The following ADGRB1 variants were observed in gnomAD, a reference collection of about 807,000 sequenced individuals.
ADGRB1 encodes adhesion G protein-coupled receptor B1.
In ADGRB1, 36 loss-of-function variants were observed where a neutral mutation model predicts 175.7. That is an observed-to-expected ratio of 0.20 (90% confidence interval 0.16 to 0.27). The LOEUF (loss-of-function observed/expected upper bound fraction) is 0.27. Ranked by LOEUF, ADGRB1 falls within the 10% of genes least tolerant of loss-of-function variation. The probability of loss-of-function intolerance (pLI) is 1.00; values close to 1 mark genes in which losing one functional copy is unlikely to be tolerated. For synonymous variants in ADGRB1, 1,054 were observed against 979.4 expected, an observed-to-expected ratio of 1.08 and a Z score of -1.42; for missense variants, 1,731 against 2,255.3, an observed-to-expected ratio of 0.77 and a Z score of 4.71.
intron 1 of ADGRB1, among the ~76,000 whole-genome samples, chr8:142,457,729 C>T (rs565026481): frequency 6.6e-5 from 10 of 152,230 alleles, no homozygotes; most frequent in South Asian, 6.2e-4. Context: ...GTCACCCTGT[C>T]GGGGGGAGGC....
chr8:142,533,508 C>T, intron 25 of ADGRB1, 42 bp downstream of exon 25: 4 of 1,538,784 alleles, frequency 2.6e-6, no homozygotes, highest in Non-Finnish European at 3.5e-6. Context: ...CCTGCGGGGT[C>T]CTGGGGCTGC....
chr8:142,481,830 A>G (rs887503288), intron 11 of ADGRB1, 119 bp downstream of exon 11: 5 of 896,166 alleles, frequency 5.6e-6, no homozygotes, highest in African/African-American at 1.7e-5. Context: ...CCCATGTCAT[A>G]GGTTGAACTC....
chr8:142,480,848 C>G (rs1357406488), intron 9 of ADGRB1, among the ~76,000 whole-genome samples: 1 of 152,222 alleles, frequency 6.6e-6, no homozygotes, highest in Non-Finnish European at 1.5e-5. Flanking sequence ...GCCCCCATGT[C>G]TCTGGGCCAG....
intron 17 of ADGRB1, among the ~76,000 whole-genome samples, chr8:142,503,519 G>A (rs1263558448): frequency 3.3e-5 from 5 of 152,140 alleles, no homozygotes; most frequent in African/African-American, 1.2e-4. Context: ...GCAGGGGTAG[G>A]TGACAGGCCA....
In ADGRB1 at chr8:142,464,485, C is replaced by T; in HGVS notation, c.287C>T (p.Pro96Leu). 2 of 1,582,096 alleles carry T rather than the reference C, an allele frequency of 1.3e-6. No homozygotes were observed. Among genetic ancestry groups the T allele is most frequent in the Non-Finnish European group, 1.7e-6 (2 of 1,168,786 alleles). The change falls in exon 2 of 31, where the codon CCC becomes CTC. Residue 96 changes from proline to leucine, a missense_variant. Physicochemically the swap from Pro to Leu is moderately conservative, Grantham distance 98. Around this residue, in one of 8 missense-constraint regions of ADGRB1, gnomAD observed 383 missense variants for 383.1 expected, o/e 1.00. Coordinates refer to ENST00000517894, the MANE Select transcript of ADGRB1 (RefSeq NM_001702.3). ...VAKAPVPCSGPGRVRTYQFDS... is the reference protein window; with the variant it reads ...VAKAPVPCSGLGRVRTYQFDS... ...AAGGCGCCCGTGCCCTGCAGCGGCC[C>T]CGGCCGCGTGCGCACCTACCAGTTC... is the stretch of plus-strand genomic sequence containing the variant.
At chr8:142,453,399 A>G (rs565170249) in intron 1 of ADGRB1, among the ~76,000 whole-genome samples, 2 of 152,244 alleles carry the variant, frequency 1.3e-5, no homozygotes, top group African/African-American at 4.8e-5. Flanking sequence ...GACCCCTGGG[A>G]GGAAAACTCC....
In ADGRB1 at chr8:142,542,736, C is replaced by A; in HGVS notation, c.4413+89C>A. ...CCCCTGCTGGGTGGGACCCCCACGC[C>A]GTCAGCGGGGCGGGCTGGCTCTGCC... On this transcript the variant is annotated intron_variant, in intron 28 of 30. Transcript: ENST00000517894. The surrounding 1 kb of genome is among the most constrained non-coding windows in gnomAD (Gnocchi z 6.3). 1 of 1,251,972 alleles carries A rather than the reference C, an allele frequency of 8.0e-7. No individual in the cohort carries two copies. The highest frequency in any genetic ancestry group is 1.1e-6 in the Non-Finnish European group (1 of 927,528). The allele number at this position is 1,251,972 out of a possible 1,614,324, so 77.6% of individuals were successfully genotyped here. A position where few individuals can be genotyped will look rare whatever the true frequency, so the allele number is the denominator to read the frequency against.
intron 1 of ADGRB1, among the ~76,000 whole-genome samples, chr8:142,458,600 G>T (rs969617761): frequency 2.0e-5 from 3 of 152,072 alleles, no homozygotes; most frequent in Non-Finnish European, 4.4e-5. Flanking sequence ...ACCTCTCTGG[G>T]TCCCCTGTCT....
chr8:142,491,787 G>A (rs1587332811), intron 17 of ADGRB1, among the ~76,000 whole-genome samples: 1 of 152,212 alleles, frequency 6.6e-6, no homozygotes, highest in African/African-American at 2.4e-5. Flanking sequence ...TGGCCACCTG[G>A]GTGCCGGTGG....
intron 1 of ADGRB1, among the ~76,000 whole-genome samples, chr8:142,459,867 C>T (rs1275342680): frequency 6.6e-6 from 1 of 152,218 alleles, no homozygotes; most frequent in African/African-American, 2.4e-5. Context: ...CTGGCCCAGA[C>T]ACTACACAGG....
intron 25 of ADGRB1, 139 bp downstream of exon 25, chr8:142,533,605 C>G: frequency 9.6e-7 from 1 of 1,039,612 alleles, no homozygotes; most frequent in Non-Finnish European, 1.3e-6. Context: ...CTGCAGGCCT[C>G]GGTGGTCCAC....
At chr8:142,509,252 C>CCGCT (rs1264049766) in intron 17 of ADGRB1, among the ~76,000 whole-genome samples, 1 of 152,214 alleles carries the variant, frequency 6.6e-6, no homozygotes, top group Non-Finnish European at 1.5e-5. Flanking sequence ...CGGCCCTGTG[C>CCGCT]CGCTCAGCGC....
chr8:142,456,778 GC>G (rs1372508635), intron 1 of ADGRB1, among the ~76,000 whole-genome samples: 1 of 152,270 alleles, frequency 6.6e-6, no homozygotes, highest in African/African-American at 2.4e-5. Context: ...TGGGGTGGAG[GC>G]CTGGGTTGGG....
chr8:142,459,633 CAT>C (rs1178972307), intron 1 of ADGRB1, among the ~76,000 whole-genome samples: 2 of 152,358 alleles, frequency 1.3e-5, no homozygotes, highest in East Asian at 1.9e-4. Context: ...AAATGTGCCG[CAT>C]GTGTGTGTTC....
chr8:142,520,967 C>CACCACCCGA, intron 20 of ADGRB1, 42 bp downstream of exon 20: 1 of 1,563,736 alleles, frequency 6.4e-7, no homozygotes, highest in Non-Finnish European at 8.8e-7. Context: ...CCAACATCCT[C>CACCACCCGA]GGGTGGTGAG....
Position 142,542,230 on chromosome 8 carries a change from G to A in ADGRB1, c.3996G>A (p.Glu1332=). 6.2e-7 allele frequency: 1 copy of A among 1,613,582 alleles called. No homozygotes were observed. The highest frequency in any genetic ancestry group is 8.5e-7 in the Non-Finnish European group (1 of 1,179,840). The stretch of plus-strand genomic sequence containing the variant: ...ACATCTTCAAGAAGCTGGACTCGGA[G>A]CTGAGCCGGGCCCAGGAGAAGGCTC... ...DGDIFKKLDS[E]LSRAQEKALD... The change falls in exon 28 of 31, where the codon GAG becomes GAA. Residue 1332 remains glutamate (E), a synonymous_variant. Transcript: ENST00000517894. This position sits in a 1 kb window ranked among gnomAD's most constrained non-coding sequence, Gnocchi z 6.3.
chr8:142,507,193 T>A (rs1842889032), intron 17 of ADGRB1, among the ~76,000 whole-genome samples: 1 of 152,106 alleles, frequency 6.6e-6, no homozygotes, highest in Non-Finnish European at 1.5e-5. Context: ...GTAGAAGCCA[T>A]TATCGTGGAG....
At position 142,542,208 on chromosome 8, in the gene ADGRB1, T is replaced by C. The variant is rs1473052290; in HGVS notation, c.3974T>C (p.Ile1325Thr). The change falls in exon 28 of 31, where the codon ATC (isoleucine) becomes ACC (threonine). Residue 1325 changes from isoleucine (I) to threonine (T), a missense_variant. Ile to Thr is a moderately conservative substitution (Grantham distance 89). This residue lies in a region of ADGRB1 where 394 missense variants were observed against 410.2 expected (regional missense o/e 0.96). Coordinates refer to ENST00000517894, the MANE Select transcript of ADGRB1 (RefSeq NM_001702.3). The surrounding 1 kb of genome is among the most constrained non-coding windows in gnomAD (Gnocchi z 6.3). ...PKSSFVGDGD[I>T]FKKLDSELSR... Reference sequence around the variant, plus strand: ...TCCTCCTTCGTCGGTGACGGGGACATCTTCAAGAAGCTGGACTCGGAGCTG... The same window carrying C: ...TCCTCCTTCGTCGGTGACGGGGACACCTTCAAGAAGCTGGACTCGGAGCTG... The C allele has an allele frequency of 6.2e-7, 1 of 1,613,434 alleles. No homozygotes were observed. Among genetic ancestry groups the C allele is most frequent in the Non-Finnish European group, 8.5e-7 (1 of 1,179,822 alleles).
chr8:142,478,938 G>A lies in ADGRB1; in HGVS notation c.1562-385G>A, dbSNP rs532966421. ...TGGGGTGGCCATGGATTAGTGGAGT[G>A]CACAGTGGGACTTGGGGTGTCTGTG... On this transcript the variant is annotated intron_variant, in intron 7 of 30. Coordinates refer to ENST00000517894, the MANE Select transcript of ADGRB1 (RefSeq NM_001702.3). Among the ~76,000 whole-genome samples, 42 of 149,742 alleles carry A rather than the reference G, an allele frequency of 2.8e-4. No individual in the cohort carries two copies. The East Asian group carries it at 6.2e-3, about 22-fold the overall frequency.
Sources: allele counts gnomAD v4.1 joint callset (sites outside exome capture counted in the v4.1 genomes callset), GRCh38; gene constraint gnomAD v4.1.1; regional missense constraint gnomAD v4.1.1; non-coding constraint Gnocchi (gnomAD v3.1); transcripts MANE v1.5; gene names NCBI Gene and HGNC (gene_info 2026-07-23, HGNC 2026-07-21).